ZFAT: variants seen among roughly 807,000 people sequenced by gnomAD.
The protein encoded by ZFAT is zinc finger protein ZFAT.
In ZFAT, 64 loss-of-function variants were observed where a neutral mutation model predicts 117.7. The ratio of observed to expected loss-of-function variants is 0.54; its 90% CI spans 0.44 to 0.67. The LOEUF (loss-of-function observed/expected upper bound fraction) is 0.67, where lower values mean the gene tolerates loss of function less well. Among genes scored for constraint, ZFAT ranks in the 30% least tolerant of loss-of-function variants. The pLI is 0.00. For missense variants in ZFAT, 1,433 were observed against 1,584.5 expected, an observed-to-expected ratio of 0.90 and a Z score of 1.62; for synonymous variants, 679 against 615.0, an observed-to-expected ratio of 1.10 and a Z score of -1.54.
the ZFAT span, among the ~76,000 whole-genome samples, chr8:134,772,193 A>C: frequency 1.3e-5 from 2 of 152,236 alleles, no homozygotes; most frequent in Non-Finnish European, 2.9e-5. Context: ...TGGAAGAGTC[A>C]CATGTCTCTC....
chr8:134,553,908 G>A (rs1268737494), intron 11 of ZFAT, among the ~76,000 whole-genome samples: 2 of 152,174 alleles, frequency 1.3e-5, no homozygotes, highest in Admixed American at 1.3e-4. Flanking sequence ...AATCTCTAAT[G>A]TCAAAAAAGG....
At position 134,537,119 on chromosome 8, in the gene ZFAT, C is replaced by T. The variant is rs572445294; in HGVS notation, c.2977-4147G>A. Among the ~76,000 whole-genome samples, 301 of 152,296 alleles carry T rather than the reference C, an allele frequency of 2.0e-3. 1 individual carries two copies. Among genetic ancestry groups the T allele is most frequent in the Middle Eastern group, 3.4e-3 (1 of 294 alleles). On this transcript the variant is annotated intron_variant, in intron 11 of 15. Coordinates refer to ENST00000377838, the MANE Select transcript of ZFAT (RefSeq NM_020863.4). Reference sequence around the variant, plus strand: ...GATAGCTACTATATGCCAGATAGCTCTAAATGTTTTGCATGGATTAATTCC... The same window carrying T: ...GATAGCTACTATATGCCAGATAGCTTTAAATGTTTTGCATGGATTAATTCC...
At chr8:134,757,343 T>A in the ZFAT span, among the ~76,000 whole-genome samples, 2 of 152,034 alleles carry the variant, frequency 1.3e-5, no homozygotes, top group Non-Finnish European at 2.9e-5. Flanking sequence ...GAGGCATATT[T>A]CCTGAAGCAC....
At chr8:134,500,428 A>G (rs1282718466) in intron 15 of ZFAT, among the ~76,000 whole-genome samples, 1 of 152,216 alleles carries the variant, frequency 6.6e-6, no homozygotes, top group Non-Finnish European at 1.5e-5. Flanking sequence ...GATGGCTTGC[A>G]TGGGAAAAAG....
intron 1 of ZFAT, chr8:134,696,530 A>G: frequency 7.1e-6 from 7 of 985,764 alleles, no homozygotes; most frequent in Non-Finnish European, 8.4e-6. Context: ...CTCCATCTAC[A>G]CCCTTTCTTC....
intron 1 of ZFAT, among the ~76,000 whole-genome samples, chr8:134,687,934 AAG>A (rs1196937842): frequency 1.3e-5 from 2 of 152,166 alleles, no homozygotes; most frequent in Non-Finnish European, 2.9e-5. Flanking sequence ...GGCTGCCTGA[AAG>A]CCAGCCTCAG....
intron 1 of ZFAT, among the ~76,000 whole-genome samples, chr8:134,705,489 T>C (rs993294402): frequency 6.6e-6 from 1 of 151,412 alleles, no homozygotes; most frequent in Admixed American, 6.6e-5. Context: ...AATGCTGAGA[T>C]TGAAGGCATG....
intron 11 of ZFAT, among the ~76,000 whole-genome samples, chr8:134,549,262 A>T (rs994089696): frequency 7.9e-5 from 12 of 152,226 alleles, no homozygotes; most frequent in African/African-American, 2.9e-4. Flanking sequence ...TAACATGGTG[A>T]AACCCCGTTT....
chr8:134,585,489 A>G (rs1480000404), intron 9 of ZFAT, among the ~76,000 whole-genome samples: 3 of 152,244 alleles, frequency 2.0e-5, no homozygotes, highest in Non-Finnish European at 2.9e-5. Flanking sequence ...ACTGTCTCCC[A>G]GTCCTGGAGA....
the ZFAT span, among the ~76,000 whole-genome samples, chr8:134,739,509 A>C: frequency 7.2e-5 from 11 of 152,168 alleles, no homozygotes; most frequent in Non-Finnish European, 1.5e-4. Context: ...TTAACTTTTA[A>C]AATGAGGATA....
intron 13 of ZFAT, among the ~76,000 whole-genome samples, chr8:134,516,143 T>G (rs1416340430): frequency 6.6e-6 from 1 of 152,224 alleles, no homozygotes; most frequent in African/African-American, 2.4e-5. Flanking sequence ...AGCAGGGTGT[T>G]TGCCTTAGAG....
chr8:134,748,452 T>C, the ZFAT span, among the ~76,000 whole-genome samples: 1 of 152,216 alleles, frequency 6.6e-6, no homozygotes, highest in Non-Finnish European at 1.5e-5. Flanking sequence ...CTGATTTGAT[T>C]TGCTTATTTT....
chr8:134,507,582 C>A (rs1370435389), intron 15 of ZFAT, among the ~76,000 whole-genome samples: 1 of 152,208 alleles, frequency 6.6e-6, no homozygotes, highest in Non-Finnish European at 1.5e-5. Context: ...CCCGCAAACA[C>A]ATTTAGCTTG....
chr8:134,774,217 G>A, the ZFAT span, among the ~76,000 whole-genome samples: 3 of 151,908 alleles, frequency 2.0e-5, no homozygotes, highest in Admixed American at 6.6e-5. Context: ...GGCTGGTCTC[G>A]AACTCCTGAC....
chr8:134,572,123 C>G lies in ZFAT; in HGVS notation c.2888-6702G>C, dbSNP rs934615727. The stretch of plus-strand genomic sequence containing the variant: ...TCATGGATCACCTTAGTGCATCATA[C>G]AACTCTTAAACTTGTTATTAATGAA... On this transcript the variant is annotated intron_variant, in intron 10 of 15. Transcript: ENST00000377838. 2.0e-5 allele frequency among the ~76,000 whole-genome samples: 3 copies of G among 152,296 alleles called. No individual in the cohort carries two copies. In the South Asian group the frequency reaches 6.2e-4, roughly 32 times the overall value.
At chr8:134,751,509 A>C in the ZFAT span, among the ~76,000 whole-genome samples, 1 of 152,236 alleles carries the variant, frequency 6.6e-6, no homozygotes, top group Non-Finnish European at 1.5e-5. Flanking sequence ...CTGGAACCAC[A>C]GTAAAATGTG....
intron 2 of ZFAT, among the ~76,000 whole-genome samples, chr8:134,644,152 AG>A (rs1387285441): frequency 1.3e-5 from 2 of 152,152 alleles, no homozygotes; most frequent in Admixed American, 6.5e-5. Context: ...TTCACCAGCT[AG>A]GGGGCCAGAG....
At chr8:134,696,640 A>G (rs982320193) in intron 1 of ZFAT, 3 of 980,956 alleles carry the variant, frequency 3.1e-6, no homozygotes, top group Non-Finnish European at 3.6e-6. Flanking sequence ...AGCCCTGCCC[A>G]GGTGGGACAG....
intron 2 of ZFAT, among the ~76,000 whole-genome samples, chr8:134,646,307 T>C (rs1037821384): frequency 1.4e-4 from 21 of 152,112 alleles, no homozygotes; most frequent in African/African-American, 5.1e-4. Flanking sequence ...AATTAAATGG[T>C]ACTCTTAAAT....
Sources: allele counts gnomAD v4.1 joint callset (sites outside exome capture counted in the v4.1 genomes callset), GRCh38; gene constraint gnomAD v4.1.1; transcripts MANE v1.5; gene names NCBI Gene and HGNC (gene_info 2026-07-23, HGNC 2026-07-21).